Variants in XKR6 observed in about 807,000 individuals in gnomAD.
The protein encoded by XKR6 is XK related 6.
A neutral mutation model predicts 56.7 loss-of-function variants in XKR6; 22 were observed. The ratio of observed to expected loss-of-function variants is 0.39; its 90% CI spans 0.28 to 0.55. The LOEUF (loss-of-function observed/expected upper bound fraction) is 0.55. Among genes scored for constraint, XKR6 ranks in the 20% least tolerant of loss-of-function variants. The pLI is 0.66. For synonymous variants in XKR6, 524 were observed against 387.8 expected, an observed-to-expected ratio of 1.35 and a Z score of -4.13; for missense variants, 852 against 889.0, an observed-to-expected ratio of 0.96 and a Z score of 0.53.
chr8:11,152,578 C>T (rs564295499), intron 1 of XKR6, among the ~76,000 whole-genome samples: 5 of 152,264 alleles, frequency 3.3e-5, no homozygotes, highest in East Asian at 3.9e-4. Context: ...TTTCCCTGAA[C>T]GTTTGTCCTA....
At chr8:11,102,948 T>C (rs1176429131) in intron 1 of XKR6, among the ~76,000 whole-genome samples, 1 of 152,164 alleles carries the variant, frequency 6.6e-6, no homozygotes, top group African/African-American at 2.4e-5. Context: ...GCCAGGAAGG[T>C]TGGAGGCAAA....
At chr8:10,965,730 G>A (rs1802201961) in intron 1 of XKR6, among the ~76,000 whole-genome samples, 1 of 152,210 alleles carries the variant, frequency 6.6e-6, no homozygotes, top group African/African-American at 2.4e-5. Context: ...CTGTCTGACG[G>A]GATTTGGCAG....
chr8:11,197,407 AC>A (rs1803950015), intron 1 of XKR6, among the ~76,000 whole-genome samples: 1 of 152,236 alleles, frequency 6.6e-6, no homozygotes, highest in Admixed American at 6.5e-5. Flanking sequence ...CATCAATGCA[AC>A]AGGCAAACTA....
intron 1 of XKR6, chr8:11,035,224 C>T (rs748806657): frequency 2.2e-5 from 12 of 534,626 alleles, no homozygotes; most frequent in Non-Finnish European, 3.5e-5. Flanking sequence ...ATGATGATGA[C>T]GATGACAACG....
intron 1 of XKR6, among the ~76,000 whole-genome samples, chr8:11,020,351 A>T (rs951110279): frequency 6.6e-6 from 1 of 152,176 alleles, no homozygotes; most frequent in African/African-American, 2.4e-5. Flanking sequence ...GCATCCATCC[A>T]TCCATCCATC....
At chr8:11,134,122 C>T (rs1328252639) in intron 1 of XKR6, among the ~76,000 whole-genome samples, 2 of 152,144 alleles carry the variant, frequency 1.3e-5, no homozygotes, top group Non-Finnish European at 2.9e-5. Flanking sequence ...AGAACTCTTA[C>T]ACTCTACATT....
rs147714358 is a variant in XKR6 at position 10,985,587 on chromosome 8, A to G, written c.765-60757T>C. Among the ~76,000 whole-genome samples, 648 of 140,908 alleles carry G rather than the reference A, an allele frequency of 4.6e-3. 9 individuals are homozygous for G. Among genetic ancestry groups the G allele is most frequent in the Non-Finnish European group, 4.2e-3 (271 of 64,986 alleles). 92.4% of individuals were successfully genotyped at this position (140,908 alleles called of 152,430 possible). ...CTCTTGCTGATGACAGAATTCTACC[A>G]TCTTTTGGTTAAAAAAAAAAAAAAA... On this transcript the variant is annotated intron_variant, in intron 1 of 2. Coordinates refer to ENST00000416569, the MANE Select transcript of XKR6 (RefSeq NM_173683.4).
chr8:11,195,230 T>C lies in XKR6; in HGVS notation c.764+5346A>G, dbSNP rs190738346. ...CCAAAGGGTCTTGCCCACTGCAACA[T>C]TATAAAAAATAATCACCCTAGTGTT... On this transcript the variant is annotated intron_variant, in intron 1 of 2. Transcript: ENST00000416569. The C allele has an allele frequency of 3.6e-5, 25 of 700,326 alleles. No homozygotes were observed. In the Admixed American group the frequency reaches 4.1e-4, roughly 11 times the overall value. The allele number at this position is 700,326 out of a possible 1,614,324, so 43.4% of individuals were successfully genotyped here. A position where few individuals can be genotyped will look rare whatever the true frequency, so the allele number is the denominator to read the frequency against.
At chr8:11,043,133 A>G (rs1019876692) in intron 1 of XKR6, among the ~76,000 whole-genome samples, 1 of 152,230 alleles carries the variant, frequency 6.6e-6, no homozygotes, top group African/African-American at 2.4e-5. Flanking sequence ...TTATGGGAGG[A>G]TAAAATATTT....
At chr8:11,123,790 T>C (rs567597962) in intron 1 of XKR6, 1 of 449,080 alleles carries the variant, frequency 2.2e-6, no homozygotes. Flanking sequence ...AGTCTCCTCA[T>C]CTCAGTGTAA....
intron 1 of XKR6, among the ~76,000 whole-genome samples, chr8:11,012,382 A>C (rs1295872025): frequency 6.6e-6 from 1 of 152,222 alleles, no homozygotes; most frequent in East Asian, 1.9e-4. Flanking sequence ...CTATATCTTA[A>C]GAAAAACTGA....
chr8:10,945,789 C>G (rs1311751439), intron 1 of XKR6, among the ~76,000 whole-genome samples: 1 of 152,312 alleles, frequency 6.6e-6, no homozygotes, highest in South Asian at 2.1e-4. Flanking sequence ...CTTCCCTTCT[C>G]CAGGCTCTGG....
chr8:11,150,111 G>A (rs1007567839), intron 1 of XKR6, among the ~76,000 whole-genome samples: 13 of 152,124 alleles, frequency 8.5e-5, no homozygotes, highest in African/African-American at 3.1e-4. Context: ...ATGAAGACAG[G>A]ATGGCTAATG....
At chr8:10,955,829 T>A (rs542869438) in intron 1 of XKR6, among the ~76,000 whole-genome samples, 3 of 152,234 alleles carry the variant, frequency 2.0e-5, no homozygotes, top group Admixed American at 2.0e-4. Context: ...AGGCCCACAC[T>A]GGACACTTCC....
chr8:11,060,296 C>G (rs1320032672), intron 1 of XKR6, among the ~76,000 whole-genome samples: 1 of 152,154 alleles, frequency 6.6e-6, no homozygotes, highest in Non-Finnish European at 1.5e-5. Flanking sequence ...GCAGGGCTTT[C>G]CCTTCCTCCC....
chr8:10,993,434 C>T (rs967226782), intron 1 of XKR6, among the ~76,000 whole-genome samples: 4 of 152,172 alleles, frequency 2.6e-5, no homozygotes, highest in African/African-American at 9.7e-5. Context: ...CCCAGCTGTC[C>T]CACACCTCTG....
At chr8:11,121,043 G>C (rs893163213) in intron 1 of XKR6, among the ~76,000 whole-genome samples, 43 of 152,200 alleles carry the variant, frequency 2.8e-4, no homozygotes, top group Admixed American at 1.3e-3. Context: ...AATTCAAGAT[G>C]GATTAAAGCC....
At chr8:11,103,539 T>C (rs187968833) in intron 1 of XKR6, among the ~76,000 whole-genome samples, 7 of 152,334 alleles carry the variant, frequency 4.6e-5, no homozygotes, top group Admixed American at 4.6e-4. Flanking sequence ...GCTTTTAAAA[T>C]GGCATGCTAA....
chr8:11,078,282 A>G (rs982131942), intron 1 of XKR6, among the ~76,000 whole-genome samples: 6 of 152,314 alleles, frequency 3.9e-5, no homozygotes, highest in South Asian at 2.1e-4. Flanking sequence ...GTCAACTTCA[A>G]TTGGCACCAT....
Sources: gnomAD v4.1 joint callset for allele counts (sites outside exome capture counted in the v4.1 genomes callset) on GRCh38, gnomAD v4.1.1 for gene constraint, MANE v1.5 for transcripts, NCBI Gene and HGNC (gene_info 2026-07-23, HGNC 2026-07-21) for gene names.